OLA1: variants seen among roughly 807,000 people sequenced by gnomAD.
OLA1 encodes the protein obg-like ATPase 1.
Under a neutral mutation model 48.4 loss-of-function variants are expected in OLA1, and 14 were observed. The observed-to-expected ratio is 0.29, with a 90% CI of 0.19 to 0.45. The LOEUF is 0.45. OLA1 is among the 20% of genes least tolerant of loss of function. The pLI is 1.00. For synonymous variants in OLA1, 127 were observed against 150.4 expected, an observed-to-expected ratio of 0.84 and a Z score of 1.14; for missense variants, 325 against 467.1, an observed-to-expected ratio of 0.70 and a Z score of 2.80.
rs1684707295 is a variant in OLA1, at chr2:174,075,262, G to GA, written c.*163_*164insT. ...GTGAACCTGCATTTCATGGGGGGGG[G>GA]GGGGTACACAGTATTTTAATTTTAA... is the stretch of plus-strand genomic sequence containing the variant. On this transcript the variant is annotated 3_prime_UTR_variant, in exon 11 of 11. Transcript: ENST00000284719. The GA allele has an allele frequency of 3.9e-6, 2 of 518,590 alleles. No individual in the cohort carries two copies. Among genetic ancestry groups the GA allele is most frequent in the Admixed American group, 6.7e-5 (2 of 29,978 alleles). 32.1% of individuals were successfully genotyped at this position (518,590 alleles called of 1,614,324 possible). A position where few individuals can be genotyped will look rare whatever the true frequency, so the allele number is the denominator to read the frequency against.
intron 7 of OLA1, among the ~76,000 whole-genome samples, chr2:174,097,654 G>A (rs1265094814): frequency 1.3e-5 from 2 of 151,758 alleles, no homozygotes; most frequent in Admixed American, 1.3e-4. Flanking sequence ...GAACCTGGGT[G>A]GTGGAGGTTG....
intron 4 of OLA1, among the ~76,000 whole-genome samples, chr2:174,160,693 G>T (rs1433268458): frequency 1.3e-5 from 2 of 152,156 alleles, no homozygotes; most frequent in Non-Finnish European, 2.9e-5. Context: ...TGGCGCCATG[G>T]TCCTTTAAGT....
At chr2:174,165,663 A>G (rs1687145143) in intron 4 of OLA1, among the ~76,000 whole-genome samples, 1 of 152,232 alleles carries the variant, frequency 6.6e-6, no homozygotes, top group African/African-American at 2.4e-5. Flanking sequence ...ATTTGTTTAA[A>G]TAATGTTTAA....
chr2:174,192,078 T>G (rs1326022888), intron 4 of OLA1, among the ~76,000 whole-genome samples: 4 of 152,218 alleles, frequency 2.6e-5, no homozygotes, highest in Non-Finnish European at 4.4e-5. Flanking sequence ...TGCTAAGGAT[T>G]TTTTTATAAT....
chr2:174,210,178 T>C (rs937998650), intron 4 of OLA1, among the ~76,000 whole-genome samples: 2 of 152,186 alleles, frequency 1.3e-5, no homozygotes, highest in Non-Finnish European at 2.9e-5. Context: ...AGGATTTCAC[T>C]TTCTACATTA....
intron 5 of OLA1, among the ~76,000 whole-genome samples, chr2:174,135,680 T>C (rs1360353495): frequency 1.3e-5 from 2 of 152,196 alleles, no homozygotes; most frequent in Non-Finnish European, 2.9e-5. Context: ...TTACCAAAAA[T>C]TAGTATCACG....
At chr2:174,142,691 A>G (rs549651515) in intron 4 of OLA1, among the ~76,000 whole-genome samples, 2 of 152,248 alleles carry the variant, frequency 1.3e-5, no homozygotes, top group Non-Finnish European at 2.9e-5. Flanking sequence ...AACTGGAAAC[A>G]TAAGGGTAAA....
At chr2:174,199,768 C>T (rs1311114196) in intron 4 of OLA1, among the ~76,000 whole-genome samples, 1 of 152,098 alleles carries the variant, frequency 6.6e-6, no homozygotes, top group African/African-American at 2.4e-5. Flanking sequence ...ATTCCACATT[C>T]CGATTAACTT....
Position 174,075,507 on chromosome 2 carries a change from T to C in OLA1, c.1110A>G (p.Gln370=), listed in dbSNP as rs895824451. The change falls in exon 11 of 11, where the codon CAA becomes CAG. Residue 370 remains glutamine, a synonymous_variant. Coordinates refer to ENST00000284719, the MANE Select transcript of OLA1 (RefSeq NM_013341.5). ...CTTCAACAATATAATTTCTGCCTTG[T>C]TGTCTGTACTTTCCAGCAGCCTGCA... is the stretch of plus-strand genomic sequence containing the variant. ...NAVKAAGKYR[Q]QGRNYIVEDG... is the part of the protein sequence containing the mutation. 6.8e-6 allele frequency: 11 copies of C among 1,609,686 alleles called. No homozygotes were observed. The African/African-American group carries it at 1.2e-4, about 18-fold the overall frequency.
intron 4 of OLA1, among the ~76,000 whole-genome samples, chr2:174,208,911 C>G (rs1223069187): frequency 1.3e-5 from 2 of 152,202 alleles, no homozygotes; most frequent in African/African-American, 4.8e-5. Flanking sequence ...TTAGTAAAAA[C>G]ACTACCATCA....
chr2:174,232,264 A>G (rs940730466), intron 2 of OLA1, among the ~76,000 whole-genome samples: 3 of 152,222 alleles, frequency 2.0e-5, no homozygotes, highest in Non-Finnish European at 2.9e-5. Context: ...AATGGGAAGT[A>G]GGGATACCAG....
chr2:174,147,281 C>A (rs1468032574), intron 4 of OLA1, among the ~76,000 whole-genome samples: 1 of 152,046 alleles, frequency 6.6e-6, no homozygotes, highest in Non-Finnish European at 1.5e-5. Context: ...ACAAAACTAG[C>A]CGGGCATGGT....
intron 4 of OLA1, among the ~76,000 whole-genome samples, chr2:174,206,000 G>A (rs1457815187): frequency 3.3e-5 from 5 of 152,202 alleles, no homozygotes; most frequent in Admixed American, 3.3e-4. Flanking sequence ...ATAAGTCACT[G>A]ACGTAGGAAA....
At chr2:174,147,904 A>C (rs945785337) in intron 4 of OLA1, among the ~76,000 whole-genome samples, 1 of 152,068 alleles carries the variant, frequency 6.6e-6, no homozygotes, top group African/African-American at 2.4e-5. Flanking sequence ...GCTCACTGCA[A>C]TCTCCACCTC....
At position 174,210,689 on chromosome 2, in the gene OLA1, A is replaced by G. The variant is rs545182051; in HGVS notation, c.373+12344T>C. On this transcript the variant is annotated intron_variant, in intron 4 of 10. Transcript: ENST00000284719. Reference sequence around the variant, plus strand: ...GGGAATGCTTTTTGCTAGCAAGTAGATGACTACTGATTATATCAAACAACA... The same window carrying G: ...GGGAATGCTTTTTGCTAGCAAGTAGGTGACTACTGATTATATCAAACAACA... 5.3e-5 allele frequency among the ~76,000 whole-genome samples: 8 copies of G among 152,306 alleles called. No homozygotes were observed. In the South Asian group the frequency reaches 1.7e-3, roughly 32 times the overall value.
At chr2:174,178,201 T>C (rs1353381898) in intron 4 of OLA1, among the ~76,000 whole-genome samples, 1 of 152,040 alleles carries the variant, frequency 6.6e-6, no homozygotes, top group Non-Finnish European at 1.5e-5. Flanking sequence ...ATGTTCAGTA[T>C]TTATTATAGG....
chr2:174,210,106 A>T lies in OLA1; in HGVS notation c.373+12927T>A, dbSNP rs199647874. Among the ~76,000 whole-genome samples, 4 of 152,170 alleles carry T rather than the reference A, an allele frequency of 2.6e-5. No individual in the cohort carries two copies. In the East Asian group the frequency reaches 7.7e-4, roughly 29 times the overall value. On this transcript the variant is annotated intron_variant, in intron 4 of 10. Coordinates refer to ENST00000284719, the MANE Select transcript of OLA1 (RefSeq NM_013341.5). ...AAAATTAACAACAATTTACATTAAGATATATTCAAGAATAAAAACAAACTT... is the reference window on the plus strand; with the variant it reads ...AAAATTAACAACAATTTACATTAAGTTATATTCAAGAATAAAAACAAACTT...
chr2:174,075,621 C>T (rs1030637414), intron 10 of OLA1, 94 bp from the exon 11 acceptor site: 5 of 714,830 alleles, frequency 7.0e-6, no homozygotes, highest in South Asian at 3.6e-5. Context: ...TATTATACTA[C>T]TTGGGTGATA....
intron 4 of OLA1, among the ~76,000 whole-genome samples, chr2:174,190,855 G>A (rs1168305538): frequency 2.8e-5 from 4 of 141,880 alleles, no homozygotes; most frequent in Admixed American, 1.5e-4. Context: ...ACTCTGGGTC[G>A]AATGGCTTGA....
Sources: allele counts gnomAD v4.1 joint callset (sites outside exome capture counted in the v4.1 genomes callset), GRCh38; gene constraint gnomAD v4.1.1; transcripts MANE v1.5; gene names NCBI Gene and HGNC (gene_info 2026-07-23, HGNC 2026-07-21).